The following CNTNAP2 variants were observed in gnomAD, a reference collection of about 807,000 sequenced individuals.
CNTNAP2 encodes the protein contactin-associated protein-like 2.
Under a neutral mutation model 155.2 loss-of-function variants are expected in CNTNAP2, and 98 were observed. The ratio of observed to expected loss-of-function variants is 0.63; its 90% CI spans 0.54 to 0.75. The LOEUF is 0.75. Among genes scored for constraint, CNTNAP2 ranks in the 30% least tolerant of loss-of-function variants. The pLI is 0.00. For missense variants in CNTNAP2, 1,727 were observed against 1,688.1 expected (o/e 1.02, Z -0.40); for synonymous variants, 651 against 631.2 (o/e 1.03, Z -0.47).
At chr7:146,490,846 A>G (rs1797127648) in intron 1 of CNTNAP2, among the ~76,000 whole-genome samples, 1 of 152,220 alleles carries the variant, frequency 6.6e-6, no homozygotes, top group Admixed American at 6.5e-5. Flanking sequence ...AAGATTCTAT[A>G]TCTATCATGG....
At chr7:147,685,135 G>A (rs1795999139) in intron 13 of CNTNAP2, among the ~76,000 whole-genome samples, 1 of 151,974 alleles carries the variant, frequency 6.6e-6, no homozygotes, top group Non-Finnish European at 1.5e-5. Context: ...ACAGCAGTGA[G>A]GAAATTTTCC....
intron 1 of CNTNAP2, among the ~76,000 whole-genome samples, chr7:146,761,564 A>G (rs1455334983): frequency 2.6e-5 from 4 of 152,066 alleles, no homozygotes; most frequent in South Asian, 4.1e-4. Context: ...TGAAGATGCT[A>G]TACATTCCCA....
intron 17 of CNTNAP2, among the ~76,000 whole-genome samples, chr7:148,149,271 T>A (rs776098743): frequency 3.9e-5 from 6 of 152,230 alleles, no homozygotes; most frequent in Middle Eastern, 3.4e-3. Flanking sequence ...AATGAAGAGA[T>A]GGAAGAGTAT....
intron 13 of CNTNAP2, among the ~76,000 whole-genome samples, chr7:147,812,733 A>G (rs1314981741): frequency 6.6e-6 from 1 of 152,144 alleles, no homozygotes; most frequent in Admixed American, 6.5e-5. Context: ...TTGTTATGAC[A>G]ATATACTTCT....
intron 8 of CNTNAP2, among the ~76,000 whole-genome samples, chr7:147,203,588 ACTT>A (rs1563114872): frequency 6.6e-6 from 1 of 152,178 alleles, no homozygotes; most frequent in Non-Finnish European, 1.5e-5. Context: ...GTCCAGAAAT[ACTT>A]CTTAGAATAA....
At chr7:146,887,534 A>C (rs1795692039) in intron 3 of CNTNAP2, among the ~76,000 whole-genome samples, 1 of 152,134 alleles carries the variant, frequency 6.6e-6, no homozygotes, top group Non-Finnish European at 1.5e-5. Context: ...ATTATTAATA[A>C]GTATGAGTAA....
At chr7:147,387,626 T>C (rs1421587587) in intron 9 of CNTNAP2, among the ~76,000 whole-genome samples, 1 of 152,158 alleles carries the variant, frequency 6.6e-6, no homozygotes, top group Non-Finnish European at 1.5e-5. Flanking sequence ...ATTTATGAGG[T>C]ACATAAGAGG....
intron 12 of CNTNAP2, among the ~76,000 whole-genome samples, chr7:147,631,600 C>A (rs1795086631): frequency 6.6e-6 from 1 of 152,032 alleles, no homozygotes. Flanking sequence ...GCTATAGAGA[C>A]CAAAACAGGA....
At chr7:147,141,324 T>C (rs1197480714) in intron 8 of CNTNAP2, among the ~76,000 whole-genome samples, 2 of 152,182 alleles carry the variant, frequency 1.3e-5, no homozygotes, top group African/African-American at 2.4e-5. Context: ...AAGGGCATCT[T>C]ATTGCCTAAA....
chr7:147,073,055 T>G (rs1336572709), intron 4 of CNTNAP2, among the ~76,000 whole-genome samples: 1 of 150,770 alleles, frequency 6.6e-6, no homozygotes, highest in African/African-American at 2.4e-5. Context: ...GGTTTCACCG[T>G]GTTAGCCAGG....
At chr7:146,198,187 A>G (rs770969671) in intron 1 of CNTNAP2, among the ~76,000 whole-genome samples, 3 of 152,196 alleles carry the variant, frequency 2.0e-5, no homozygotes, top group Non-Finnish European at 4.4e-5. Flanking sequence ...AAATCATATC[A>G]TCAACTATCA....
chr7:146,974,986 AG>A (rs1797880252), intron 3 of CNTNAP2, among the ~76,000 whole-genome samples: 1 of 152,168 alleles, frequency 6.6e-6, no homozygotes, highest in Non-Finnish European at 1.5e-5. Context: ...AACAAAACAA[AG>A]CAAAACAAGA....
At chr7:146,817,041 GAA>G (rs1294535303) in intron 2 of CNTNAP2, among the ~76,000 whole-genome samples, 2 of 152,176 alleles carry the variant, frequency 1.3e-5, no homozygotes, top group African/African-American at 4.8e-5. Flanking sequence ...AAATCTCACA[GAA>G]AATAAATGGT....
chr7:147,541,145 C>A (rs1228462820), intron 11 of CNTNAP2, among the ~76,000 whole-genome samples: 1 of 152,074 alleles, frequency 6.6e-6, no homozygotes, highest in African/African-American at 2.4e-5. Context: ...TTAGAACACC[C>A]AAATTCTGGT....
At chr7:146,558,846 T>C (rs1798236872) in intron 1 of CNTNAP2, among the ~76,000 whole-genome samples, 2 of 152,246 alleles carry the variant, frequency 1.3e-5, no homozygotes, top group Non-Finnish European at 2.9e-5. Flanking sequence ...AGTGGTACCA[T>C]GTAGTATTTG....
intron 20 of CNTNAP2, among the ~76,000 whole-genome samples, chr7:148,232,983 T>C (rs1290799128): frequency 6.6e-6 from 1 of 152,222 alleles, no homozygotes; most frequent in Non-Finnish European, 1.5e-5. Flanking sequence ...CTGACTGTAG[T>C]AGTTATCAGA....
intron 4 of CNTNAP2, among the ~76,000 whole-genome samples, chr7:147,078,751 T>C (rs1432080268): frequency 7.0e-6 from 1 of 142,658 alleles, no homozygotes; most frequent in Non-Finnish European, 1.5e-5. Flanking sequence ...ATTGTCTCAT[T>C]TAATTTTTTT....
chr7:146,160,977 A>G (rs1360630806), intron 1 of CNTNAP2, among the ~76,000 whole-genome samples: 1 of 152,268 alleles, frequency 6.6e-6, no homozygotes, highest in Non-Finnish European at 1.5e-5. Context: ...ACCCGAATCC[A>G]GCAGCACATC....
chr7:147,642,664 G>A (rs1280924454), intron 13 of CNTNAP2, among the ~76,000 whole-genome samples: 3 of 152,042 alleles, frequency 2.0e-5, no homozygotes, highest in South Asian at 2.1e-4. Flanking sequence ...CCCCTTTCAC[G>A]AGAAAAACTG....
Sources: gnomAD v4.1 joint callset for allele counts (sites outside exome capture counted in the v4.1 genomes callset) on GRCh38, gnomAD v4.1.1 for gene constraint, MANE v1.5 for transcripts, NCBI Gene and HGNC (gene_info 2026-07-23, HGNC 2026-07-21) for gene names.